Variants in UVRAG observed in about 807,000 individuals in gnomAD.
UVRAG encodes UV radiation resistance-associated gene protein.
A neutral mutation model predicts 78.0 loss-of-function variants in UVRAG; 19 were observed. The observed-to-expected ratio is 0.24, with a 90% CI of 0.17 to 0.36. UVRAG has a LOEUF of 0.36. UVRAG is among the 10% of genes least tolerant of loss of function. The pLI is 1.00. For missense variants in UVRAG, 740 were observed against 853.8 expected, an observed-to-expected ratio of 0.87 and a Z score of 1.66; for synonymous variants, 323 against 324.6, an observed-to-expected ratio of 1.00 and a Z score of 0.05.
At chr11:76,097,021 A>G (rs772967011) in intron 13 of UVRAG, among the ~76,000 whole-genome samples, 1 of 151,966 alleles carries the variant, frequency 6.6e-6, no homozygotes. Flanking sequence ...GAAGCGTGCA[A>G]CCCCTTCTGT....
intron 7 of UVRAG, among the ~76,000 whole-genome samples, chr11:75,970,791 A>G (rs553332997): frequency 3.4e-4 from 51 of 151,694 alleles, no homozygotes; most frequent in Non-Finnish European, 6.3e-4. Flanking sequence ...AACCCACCCC[A>G]TCCCCAATTT....
chr11:75,880,645 CCCAAGTTCAA>C (rs1391476331), intron 4 of UVRAG, among the ~76,000 whole-genome samples: 1 of 152,144 alleles, frequency 6.6e-6, no homozygotes, highest in Non-Finnish European at 1.5e-5. Flanking sequence ...GCCTCCGCCT[CCCAAGTTCAA>C]GCGATTCTCC....
intron 12 of UVRAG, among the ~76,000 whole-genome samples, chr11:76,051,032 C>G (rs1485687858): frequency 6.6e-6 from 1 of 152,064 alleles, no homozygotes; most frequent in Admixed American, 6.6e-5. Context: ...GATTGAGTAC[C>G]TGTTATCAGC....
rs189198088 is a variant in UVRAG at position 76,021,937 on chromosome 11, C to T, written c.1226+4957C>T. The stretch of plus-strand genomic sequence containing the variant: ...AGCGTGGTGGTGTGCACCTATAGTC[C>T]CAGCTACTCAAGAAGCTGAGGTGGG... On this transcript the variant is annotated intron_variant, in intron 12 of 14. Coordinates refer to ENST00000356136, the MANE Select transcript of UVRAG (RefSeq NM_003369.4). Among the ~76,000 whole-genome samples the T allele has an allele frequency of 2.0e-5, 3 of 152,056 alleles. No homozygotes were observed. In the East Asian group the frequency reaches 5.8e-4, roughly 29 times the overall value.
chr11:76,064,058 T>C (rs1951142233), intron 12 of UVRAG, among the ~76,000 whole-genome samples: 1 of 152,026 alleles, frequency 6.6e-6, no homozygotes, highest in Non-Finnish European at 1.5e-5. Context: ...CCTTGTGGCT[T>C]TTTGTATAAA....
At chr11:75,888,320 T>C (rs1389249509) in intron 4 of UVRAG, among the ~76,000 whole-genome samples, 1 of 151,972 alleles carries the variant, frequency 6.6e-6, no homozygotes, top group East Asian at 1.9e-4. Flanking sequence ...TTGTTATTGT[T>C]ATTTGTAGAG....
At chr11:75,991,183 CAAAT>C (rs1949599316) in intron 8 of UVRAG, among the ~76,000 whole-genome samples, 1 of 152,070 alleles carries the variant, frequency 6.6e-6, no homozygotes, top group South Asian at 2.1e-4. Context: ...AGAATGGCCC[CAAAT>C]AAATAGACAG....
chr11:76,027,376 A>G (rs1950346981), intron 12 of UVRAG, among the ~76,000 whole-genome samples: 1 of 152,134 alleles, frequency 6.6e-6, no homozygotes, highest in South Asian at 2.1e-4. Flanking sequence ...TTCAAATCAC[A>G]CTTATTAGTT....
chr11:75,969,560 A>G (rs1261782020), intron 7 of UVRAG, among the ~76,000 whole-genome samples: 1 of 152,078 alleles, frequency 6.6e-6, no homozygotes, highest in Non-Finnish European at 1.5e-5. Context: ...GCCTTTATTG[A>G]TGTTTGGTTT....
chr11:75,872,875 C>T (rs952937459), intron 3 of UVRAG, among the ~76,000 whole-genome samples: 11 of 152,148 alleles, frequency 7.2e-5, no homozygotes, highest in African/African-American at 2.7e-4. Context: ...AATATATAGT[C>T]AAATTAGTAG....
At chr11:75,866,189 C>G (rs1364614952) in intron 3 of UVRAG, among the ~76,000 whole-genome samples, 1 of 151,332 alleles carries the variant, frequency 6.6e-6, no homozygotes, top group Admixed American at 6.6e-5. Flanking sequence ...GCCACTCCAG[C>G]TTGGGTGACA....
At chr11:75,925,282 A>C (rs556944828) in intron 6 of UVRAG, among the ~76,000 whole-genome samples, 1 of 152,180 alleles carries the variant, frequency 6.6e-6, no homozygotes, top group Non-Finnish European at 1.5e-5. Context: ...TACCCCACCC[A>C]TAACTTGATT....
chr11:75,993,806 G>A (rs1949656843), intron 8 of UVRAG, among the ~76,000 whole-genome samples: 1 of 152,154 alleles, frequency 6.6e-6, no homozygotes, highest in Non-Finnish European at 1.5e-5. Flanking sequence ...TGTACAGGAA[G>A]CATGATGCCA....
chr11:76,130,200 A>G (rs1424292954), intron 14 of UVRAG, among the ~76,000 whole-genome samples: 1 of 152,116 alleles, frequency 6.6e-6, no homozygotes, highest in Non-Finnish European at 1.5e-5. Context: ...AGCCCTTCTA[A>G]TCTTGTCCTT....
At chr11:75,910,130 T>G (rs1216561847) in intron 5 of UVRAG, among the ~76,000 whole-genome samples, 1 of 152,238 alleles carries the variant, frequency 6.6e-6, no homozygotes, top group Non-Finnish European at 1.5e-5. Context: ...TGTGTTTCTT[T>G]TCAAGGAACT....
At chr11:76,102,289 G>A (rs1290844182) in intron 13 of UVRAG, among the ~76,000 whole-genome samples, 2 of 152,048 alleles carry the variant, frequency 1.3e-5, no homozygotes, top group East Asian at 1.9e-4. Context: ...AGAGATCTTT[G>A]ACCTGCTTGG....
chr11:75,972,158 A>G (rs1173301262), intron 7 of UVRAG, among the ~76,000 whole-genome samples: 2 of 151,444 alleles, frequency 1.3e-5, no homozygotes, highest in African/African-American at 2.4e-5. Context: ...GTTTTTTTGC[A>G]TAGTTTTTCT....
At chr11:76,082,010 A>G (rs1951504236) in intron 13 of UVRAG, among the ~76,000 whole-genome samples, 1 of 151,916 alleles carries the variant, frequency 6.6e-6, no homozygotes. Flanking sequence ...ATTAAACGAT[A>G]TTATTTAGGA....
chr11:75,833,918 T>C (rs11236551), intron 1 of UVRAG, among the ~76,000 whole-genome samples: 20,434 of 152,234 alleles, frequency 0.13, 1,698 homozygotes, highest in East Asian at 0.23. Flanking sequence ...CCAGTAAACC[T>C]ACAACCTTCC....
Sources: allele counts gnomAD v4.1 joint callset (sites outside exome capture counted in the v4.1 genomes callset), GRCh38; gene constraint gnomAD v4.1.1; transcripts MANE v1.5; gene names NCBI Gene and HGNC (gene_info 2026-07-23, HGNC 2026-07-21).